The following RPS6KC1 variants were observed in gnomAD, a reference collection of about 807,000 sequenced individuals.
RPS6KC1 encodes inactive ribosomal protein S6 kinase delta-1.
Under a neutral mutation model 103.8 loss-of-function variants are expected in RPS6KC1, and 54 were observed. The observed-to-expected ratio is 0.52, with a 90% CI of 0.42 to 0.65. The LOEUF is 0.65. Among genes scored for constraint, RPS6KC1 ranks in the 30% least tolerant of loss-of-function variants. The probability of loss-of-function intolerance (pLI) is 0.00; values close to 1 mark genes in which losing one functional copy is unlikely to be tolerated. For missense variants in RPS6KC1, 1,151 were observed against 1,253.8 expected (o/e 0.92, Z 1.24); for synonymous variants, 439 against 438.7 (o/e 1.00, Z -0.01).
At chr1:213,264,934 A>G (rs1386835109) in intron 14 of RPS6KC1, among the ~76,000 whole-genome samples, 1 of 152,230 alleles carries the variant, frequency 6.6e-6, no homozygotes, top group Non-Finnish European at 1.5e-5. Flanking sequence ...CAAAGTAAAC[A>G]TAATTACATT....
chr1:213,416,958 T>C, the RPS6KC1 span, among the ~76,000 whole-genome samples: 101,388 of 152,040 alleles, frequency 0.67, 34,097 homozygotes, highest in Non-Finnish European at 0.68. Context: ...GGTGAAGACC[T>C]AGCCGCAGTG....
chr1:213,254,435 A>G (rs1158132131), intron 12 of RPS6KC1, among the ~76,000 whole-genome samples: 1 of 152,092 alleles, frequency 6.6e-6, no homozygotes, highest in African/African-American at 2.4e-5. Context: ...CTATGTATAG[A>G]AAGGAGAAAA....
the RPS6KC1 span, among the ~76,000 whole-genome samples, chr1:213,507,549 A>ATTT: frequency 1.1e-4 from 15 of 142,808 alleles, no homozygotes; most frequent in Admixed American, 2.1e-4. Flanking sequence ...CAACCCTCTC[A>ATTT]TTTTTTTTTT....
chr1:213,287,108 T>G, the RPS6KC1 span, among the ~76,000 whole-genome samples: 1 of 152,154 alleles, frequency 6.6e-6, no homozygotes, highest in South Asian at 2.1e-4. Context: ...GATGCACATT[T>G]GGGTGATAAA....
chr1:213,316,461 G>A, the RPS6KC1 span, among the ~76,000 whole-genome samples: 5 of 152,166 alleles, frequency 3.3e-5, no homozygotes, highest in Admixed American at 6.5e-5. Flanking sequence ...AAATTGGGAC[G>A]ATATTTAAAA....
chr1:213,737,407 A>C, the RPS6KC1 span, among the ~76,000 whole-genome samples: 1 of 152,294 alleles, frequency 6.6e-6, no homozygotes, highest in Non-Finnish European at 1.5e-5. Flanking sequence ...ATCAGTTACT[A>C]AGGAATCAAA....
chr1:213,680,755 G>T, the RPS6KC1 span, among the ~76,000 whole-genome samples: 1 of 152,108 alleles, frequency 6.6e-6, no homozygotes, highest in African/African-American at 2.4e-5. Flanking sequence ...AGTAAGGCAG[G>T]TTTGAGATGC....
intron 3 of RPS6KC1, among the ~76,000 whole-genome samples, chr1:213,093,911 G>A (rs912401541): frequency 8.6e-5 from 13 of 151,762 alleles, no homozygotes; most frequent in Non-Finnish European, 4.4e-5. Context: ...GTGTTGCTCC[G>A]CTGTGAAGTT....
At chr1:213,326,874 A>G in the RPS6KC1 span, among the ~76,000 whole-genome samples, 3 of 152,250 alleles carry the variant, frequency 2.0e-5, no homozygotes, top group South Asian at 4.2e-4. Context: ...TCCAAAACAG[A>G]TGGCTCCACA....
chr1:213,490,938 A>G, the RPS6KC1 span, among the ~76,000 whole-genome samples: 1 of 152,114 alleles, frequency 6.6e-6, no homozygotes, highest in African/African-American at 2.4e-5. Context: ...TCTTATCACA[A>G]GCAAAGCAAA....
chr1:213,772,279 G>A, the RPS6KC1 span, among the ~76,000 whole-genome samples: 6 of 152,204 alleles, frequency 3.9e-5, 1 homozygote, highest in South Asian at 1.2e-3. Flanking sequence ...AAGCACTTCT[G>A]GTGGATTCCA....
At chr1:213,171,687 A>G (rs901979425) in intron 7 of RPS6KC1, among the ~76,000 whole-genome samples, 2 of 152,144 alleles carry the variant, frequency 1.3e-5, no homozygotes, top group South Asian at 4.1e-4. Context: ...CATTTTGTTT[A>G]CTTGTATTAT....
chr1:213,433,114 G>T, the RPS6KC1 span, among the ~76,000 whole-genome samples: 1 of 152,176 alleles, frequency 6.6e-6, no homozygotes, highest in Non-Finnish European at 1.5e-5. Flanking sequence ...AACCCTAGAG[G>T]AGAGTCTGTT....
the RPS6KC1 span, among the ~76,000 whole-genome samples, chr1:213,440,129 G>A: frequency 1.6e-4 from 25 of 152,008 alleles, no homozygotes; most frequent in Non-Finnish European, 3.5e-4. Context: ...ACAGCAAGGG[G>A]GTGTGAAAAA....
chr1:213,557,450 G>T, the RPS6KC1 span, among the ~76,000 whole-genome samples: 1 of 152,266 alleles, frequency 6.6e-6, no homozygotes, highest in South Asian at 2.1e-4. Context: ...TGCTGTGCAG[G>T]ACATAGCCAT....
At chr1:213,602,120 C>CTCTTTCTTTCTTTCTTTCTTTCTTTCTT in the RPS6KC1 span, among the ~76,000 whole-genome samples, 4 of 5,152 alleles carry the variant, frequency 7.8e-4, no homozygotes, top group Non-Finnish European at 1.1e-3. Flanking sequence ...TTCTTTCTTT[C>CTCTTTCTTTCTTTCTTTCTTTCTTTCTT]TCTTTCTTTC....
chr1:213,796,265 C>T, the RPS6KC1 span, among the ~76,000 whole-genome samples: 7 of 152,170 alleles, frequency 4.6e-5, no homozygotes, highest in African/African-American at 7.2e-5. Context: ...CATGACATTA[C>T]GGTGACTCGC....
rs1331847057 is a variant in RPS6KC1 at position 213,151,791 on chromosome 1, C to T, written c.836-16067C>T. Among the ~76,000 whole-genome samples the T allele has an allele frequency of 1.7e-4, 22 of 132,656 alleles. 1 individual carries two copies. Among genetic ancestry groups the T allele is most frequent in the African/African-American group, 6.3e-4 (21 of 33,308 alleles). The allele number at this position is 132,656 out of a possible 152,430, so 87.0% of individuals were successfully genotyped here. A position where few individuals can be genotyped will look rare whatever the true frequency, so the allele number is the denominator to read the frequency against. ...GGCCTGGCGGGGGGCTGACCCCCCCCACCTCCCTCCCGGACGGGGCAGCTG... is the reference window on the plus strand; with the variant it reads ...GGCCTGGCGGGGGGCTGACCCCCCCTACCTCCCTCCCGGACGGGGCAGCTG... On this transcript the variant is annotated intron_variant, in intron 6 of 14. Coordinates refer to ENST00000366960, the MANE Select transcript of RPS6KC1 (RefSeq NM_012424.6).
chr1:213,189,879 C>T lies in RPS6KC1; in HGVS notation c.1044+13387C>T, dbSNP rs7535038. Among the ~76,000 whole-genome samples the T allele has an allele frequency of 3.5e-3, 539 of 152,212 alleles. 6 individuals are homozygous for T. The highest frequency in any genetic ancestry group is 0.012 in the African/African-American group (513 of 41,542). ...TTCAATTATTTTAATTTTTAACTCCCATAAATAAGTGAGTACATGCAAAGT... is the reference window on the plus strand; with the variant it reads ...TTCAATTATTTTAATTTTTAACTCCTATAAATAAGTGAGTACATGCAAAGT... On this transcript the variant is annotated intron_variant, in intron 8 of 14. Transcript: ENST00000366960.
Sources: allele counts gnomAD v4.1 joint callset (sites outside exome capture counted in the v4.1 genomes callset), GRCh38; gene constraint gnomAD v4.1.1; transcripts MANE v1.5; gene names NCBI Gene and HGNC (gene_info 2026-07-23, HGNC 2026-07-21).